Variants in LRRTM4 observed in about 807,000 individuals in gnomAD.
LRRTM4 encodes leucine-rich repeat transmembrane neuronal protein 4.
In LRRTM4, 25 loss-of-function variants were observed where a neutral mutation model predicts 47.6. That is an observed-to-expected ratio of 0.53 (90% CI 0.38 to 0.73). The LOEUF is 0.73. LRRTM4 is among the 30% of genes least tolerant of loss of function. LRRTM4 has a pLI of 0.00. For missense variants in LRRTM4, 638 were observed against 713.4 expected (o/e 0.89, Z 1.20); for synonymous variants, 311 against 269.5 (o/e 1.15, Z -1.51).
At chr2:77,148,567 T>G (rs970578760) in intron 3 of LRRTM4, among the ~76,000 whole-genome samples, 1 of 152,150 alleles carries the variant, frequency 6.6e-6, no homozygotes, top group Non-Finnish European at 1.5e-5. Context: ...ACTTGTTGCA[T>G]CTTCTGTAAC....
At chr2:76,899,003 A>T (rs1673522955) in intron 3 of LRRTM4, among the ~76,000 whole-genome samples, 1 of 152,066 alleles carries the variant, frequency 6.6e-6, no homozygotes, top group African/African-American at 2.4e-5. Context: ...TACATTCACA[A>T]ATCAGTAGAG....
At chr2:76,936,280 C>T (rs934543292) in intron 3 of LRRTM4, among the ~76,000 whole-genome samples, 1 of 151,986 alleles carries the variant, frequency 6.6e-6, no homozygotes. Context: ...AAGTTCATGG[C>T]CTTTTCAGGG....
At chr2:77,173,680 C>A (rs867779855) in intron 3 of LRRTM4, among the ~76,000 whole-genome samples, 1 of 152,146 alleles carries the variant, frequency 6.6e-6, no homozygotes, top group Non-Finnish European at 1.5e-5. Context: ...TAGCTCACTG[C>A]AGCCTAAAAC....
chr2:77,162,453 T>G (rs1439800691), intron 3 of LRRTM4, among the ~76,000 whole-genome samples: 1 of 152,194 alleles, frequency 6.6e-6, no homozygotes, highest in Non-Finnish European at 1.5e-5. Flanking sequence ...CGTCCCTGTC[T>G]GACAGCTTTG....
chr2:77,450,845 A>T (rs1573432552), intron 3 of LRRTM4, among the ~76,000 whole-genome samples: 1 of 152,126 alleles, frequency 6.6e-6, no homozygotes, highest in East Asian at 1.9e-4. Flanking sequence ...ATATATGTAG[A>T]TTAAATTCCA....
At chr2:77,289,441 A>G (rs1244316404) in intron 3 of LRRTM4, among the ~76,000 whole-genome samples, 1 of 152,074 alleles carries the variant, frequency 6.6e-6, no homozygotes, top group Non-Finnish European at 1.5e-5. Flanking sequence ...TATGCTGTAC[A>G]ATTACCAGAA....
rs1670930140 is a variant in LRRTM4 at position 76,817,294 on chromosome 2, A to C, written c.1552-68378T>G. Among the ~76,000 whole-genome samples the C allele has an allele frequency of 2.6e-5, 4 of 152,060 alleles. No individual in the cohort carries two copies. In the South Asian group the frequency reaches 8.3e-4, roughly 32 times the overall value. ...GAAGTGATATGTCATGGGTAATATGAAAGATTATAAATTTGATTTAGGTTG... is the reference window on the plus strand; with the variant it reads ...GAAGTGATATGTCATGGGTAATATGCAAGATTATAAATTTGATTTAGGTTG... On this transcript the variant is annotated intron_variant, in intron 3 of 3. Coordinates refer to ENST00000409884, the MANE Select transcript of LRRTM4 (RefSeq NM_001134745.3).
At chr2:77,233,871 C>T (rs1165351850) in intron 3 of LRRTM4, among the ~76,000 whole-genome samples, 10 of 152,290 alleles carry the variant, frequency 6.6e-5, no homozygotes. Flanking sequence ...ACTGCAACCT[C>T]CGCGTCCACC....
chr2:77,326,844 C>A (rs1466540793), intron 3 of LRRTM4, among the ~76,000 whole-genome samples: 1 of 152,166 alleles, frequency 6.6e-6, no homozygotes, highest in African/African-American at 2.4e-5. Context: ...TCCTCTGTTG[C>A]CATCTTGTCA....
chr2:77,138,348 A>T (rs551611920), intron 3 of LRRTM4, among the ~76,000 whole-genome samples: 16 of 152,242 alleles, frequency 1.1e-4, no homozygotes, highest in African/African-American at 3.8e-4. Flanking sequence ...ACATGGAAAC[A>T]GAAAAACCTG....
rs534426770 is a variant in LRRTM4 at position 77,420,068 on chromosome 2, A to C, written c.1551+98250T>G. ...TGTTTCTGTCATTAGAATTAACCCA[A>C]GGGTGAGCTGTGAAAGGATCTGCTT... On this transcript the variant is annotated intron_variant, in intron 3 of 3. Transcript: ENST00000409884. Among the ~76,000 whole-genome samples, 97 of 152,290 alleles carry C rather than the reference A, an allele frequency of 6.4e-4. 1 individual carries two copies. The highest frequency in any genetic ancestry group is 2.1e-3 in the African/African-American group (87 of 41,576).
At chr2:77,502,261 GA>G (rs777298144) in intron 3 of LRRTM4, among the ~76,000 whole-genome samples, 1 of 151,092 alleles carries the variant, frequency 6.6e-6, no homozygotes, top group Non-Finnish European at 1.5e-5. Context: ...AATTGTTTTA[GA>G]AAAAAGATAA....
At chr2:76,896,370 G>A (rs1673417441) in intron 3 of LRRTM4, among the ~76,000 whole-genome samples, 2 of 151,964 alleles carry the variant, frequency 1.3e-5, no homozygotes, top group South Asian at 4.1e-4. Context: ...TTCAACTTGA[G>A]TGCAAAAATG....
chr2:77,291,388 T>C (rs977236942), intron 3 of LRRTM4, among the ~76,000 whole-genome samples: 1 of 152,226 alleles, frequency 6.6e-6, no homozygotes, highest in East Asian at 1.9e-4. Flanking sequence ...TACTTATTTC[T>C]CAAATTCTGC....
intron 3 of LRRTM4, among the ~76,000 whole-genome samples, chr2:77,350,045 G>C (rs1299770459): frequency 6.6e-6 from 1 of 151,938 alleles, no homozygotes; most frequent in Non-Finnish European, 1.5e-5. Context: ...AATGCTGGCC[G>C]GGCGCGGTGG....
At chr2:77,000,678 G>A (rs1398919509) in intron 3 of LRRTM4, among the ~76,000 whole-genome samples, 2 of 152,088 alleles carry the variant, frequency 1.3e-5, no homozygotes, top group Non-Finnish European at 2.9e-5. Flanking sequence ...TCATGTTTTG[G>A]TTTGTTCTGG....
chr2:76,860,289 T>C (rs950166456), intron 3 of LRRTM4, among the ~76,000 whole-genome samples: 3 of 152,150 alleles, frequency 2.0e-5, no homozygotes, highest in Admixed American at 1.3e-4. Context: ...TAGAGTTTAG[T>C]TGGGCAACAA....
chr2:76,818,726 C>T (rs76032856), intron 3 of LRRTM4, among the ~76,000 whole-genome samples: 307 of 151,770 alleles, frequency 2.0e-3, no homozygotes, highest in African/African-American at 7.2e-3. Context: ...CCCACACATG[C>T]AGACACATGC....
At chr2:77,307,490 T>A (rs1677314128) in intron 3 of LRRTM4, among the ~76,000 whole-genome samples, 1 of 146,754 alleles carries the variant, frequency 6.8e-6, no homozygotes, top group Admixed American at 7.0e-5. Context: ...ACATAATACA[T>A]GTCACTTCTA....
Sources: gnomAD v4.1 joint callset for allele counts (sites outside exome capture counted in the v4.1 genomes callset) on GRCh38, gnomAD v4.1.1 for gene constraint, MANE v1.5 for transcripts, NCBI Gene and HGNC (gene_info 2026-07-23, HGNC 2026-07-21) for gene names.